The following CCDC171 variants were observed in gnomAD, a reference collection of about 807,000 sequenced individuals.
CCDC171 encodes coiled-coil domain containing 171, also known as coiled-coil domain-containing protein 171.
In CCDC171, 177 loss-of-function variants were observed where a neutral mutation model predicts 168.2. The observed-to-expected ratio is 1.05, with a 90% CI of 0.93 to 1.19. The LOEUF (loss-of-function observed/expected upper bound fraction) is 1.19. CCDC171 is among the 50% of genes most tolerant of loss of function. CCDC171 has a pLI of 0.00. For synonymous variants in CCDC171, 687 were observed against 540.8 expected (o/e 1.27, Z -3.75); for missense variants, 1,991 against 1,539.0 (o/e 1.29, Z -4.91).
intron 23 of CCDC171, 55 bp downstream of exon 23, chr9:15,849,002 A>G: frequency 1.2e-6 from 1 of 846,638 alleles, no homozygotes. Flanking sequence ...CCTAGTCATT[A>G]TTTTTATTAG....
chr9:15,705,276 C>T (rs766358424), intron 11 of CCDC171, among the ~76,000 whole-genome samples: 2 of 152,102 alleles, frequency 1.3e-5, no homozygotes, highest in African/African-American at 2.4e-5. Flanking sequence ...TAAAGCTGGA[C>T]GGAAACTACA....
At chr9:16,032,173 TG>T (rs1166096900) in intron 6 of CCDC171, among the ~76,000 whole-genome samples, 1 of 152,028 alleles carries the variant, frequency 6.6e-6, no homozygotes, top group Admixed American at 6.6e-5. Flanking sequence ...GGAAGCCAAG[TG>T]GGTAGGATGC....
chr9:15,979,973 C>A (rs559741982), intron 3 of CCDC171, among the ~76,000 whole-genome samples: 10 of 151,956 alleles, frequency 6.6e-5, no homozygotes, highest in Non-Finnish European at 1.3e-4. Context: ...GTAAAATATA[C>A]ATAACATAAA....
chr9:15,836,314 A>G (rs1174612194), intron 21 of CCDC171, among the ~76,000 whole-genome samples: 1 of 152,188 alleles, frequency 6.6e-6, no homozygotes, highest in Non-Finnish European at 1.5e-5. Flanking sequence ...TGAGGCTGAT[A>G]GAGTGTTCTT....
At chr9:15,705,090 C>T (rs1007939768) in intron 11 of CCDC171, among the ~76,000 whole-genome samples, 50 of 32,246 alleles carry the variant, frequency 1.6e-3, no homozygotes, top group Admixed American at 8.7e-3. Flanking sequence ...AGTATCCTTA[C>T]GACACACACA....
intron 4 of CCDC171, among the ~76,000 whole-genome samples, chr9:15,590,692 A>G (rs1269424884): frequency 6.6e-6 from 1 of 152,216 alleles, no homozygotes; most frequent in Non-Finnish European, 1.5e-5. Context: ...AAATATAAAA[A>G]TTTGTAATCT....
intron 25 of CCDC171, among the ~76,000 whole-genome samples, chr9:15,923,188 G>A (rs1255222257): frequency 6.6e-6 from 1 of 151,340 alleles, no homozygotes; most frequent in African/African-American, 2.4e-5. Context: ...TTTCAGAGTT[G>A]TGATATCTGC....
At chr9:15,717,533 C>T (rs2053170805) in intron 11 of CCDC171, among the ~76,000 whole-genome samples, 1 of 152,196 alleles carries the variant, frequency 6.6e-6, no homozygotes, top group Non-Finnish European at 1.5e-5. Context: ...CAGTACCCCA[C>T]CTCCAGATTC....
chr9:15,562,617 A>T (rs2039401189), intron 1 of CCDC171, among the ~76,000 whole-genome samples: 1 of 152,160 alleles, frequency 6.6e-6, no homozygotes, highest in Non-Finnish European at 1.5e-5. Context: ...ATACGAAAAC[A>T]TGATTAAGGC....
intron 9 of CCDC171, among the ~76,000 whole-genome samples, chr9:15,677,957 T>A (rs1172740020): frequency 7.9e-6 from 1 of 125,906 alleles, no homozygotes; most frequent in African/African-American, 3.0e-5. Flanking sequence ...TTACCTAGAC[T>A]GGAGTGCAGT....
At chr9:15,572,929 T>C (rs796831614) in intron 3 of CCDC171, among the ~76,000 whole-genome samples, 5 of 152,206 alleles carry the variant, frequency 3.3e-5, no homozygotes, top group African/African-American at 1.2e-4. Flanking sequence ...GAGGCCAAGG[T>C]GGGTGGATCA....
At chr9:15,827,599 AC>A (rs1277472030) in intron 21 of CCDC171, among the ~76,000 whole-genome samples, 8 of 152,152 alleles carry the variant, frequency 5.3e-5, no homozygotes, top group African/African-American at 1.7e-4. Flanking sequence ...TTTCATATAC[AC>A]CTAGGGGAAT....
rs1189452100 is a variant in CCDC171 at position 16,046,655 on chromosome 9, A to T, written n.89+3769A>T. Among the ~76,000 whole-genome samples the T allele has an allele frequency of 1.3e-5, 2 of 152,138 alleles. 1 individual carries two copies. The highest frequency in any genetic ancestry group is 4.2e-4 in the South Asian group (2 of 4,818). On this transcript the variant is annotated intron_variant and non_coding_transcript_variant, in intron 1 of 1. Coordinates refer to the CCDC171 transcript ENST00000478913. ...GGGTGGTTTCTCCCATACTGTCCTCATGGTAGTGAATAAGTCTCATGAGAT... is the reference window on the plus strand; with the variant it reads ...GGGTGGTTTCTCCCATACTGTCCTCTTGGTAGTGAATAAGTCTCATGAGAT...
At chr9:15,937,377 G>GA (rs1827231629) in intron 25 of CCDC171, among the ~76,000 whole-genome samples, 1 of 151,796 alleles carries the variant, frequency 6.6e-6, no homozygotes, top group Non-Finnish European at 1.5e-5. Context: ...TTCATAGTGA[G>GA]AAAAAAGCTT....
In CCDC171 at chr9:15,777,749, C is replaced by T; in HGVS notation, c.2821C>T (p.Gln941Ter). ...ATATGTAGAAAAAGATTCCCTGGTT[C>T]AGAGGCTGGCCCATGGACTTCATAA... ...ITYVEKDSLV[Q>*]RLAHGLHKVN... Residue 941 changes from glutamine to a stop codon, truncating the protein, a stop_gained, in exon 19 of 26, where the codon CAG becomes TAG. Transcript: ENST00000380701. LOFTEE classifies it high-confidence loss of function. The T allele has an allele frequency of 3.7e-6, 6 of 1,614,018 alleles. No homozygotes were observed. Among genetic ancestry groups the T allele is most frequent in the Non-Finnish European group, 5.1e-6 (6 of 1,180,008 alleles).
At chr9:15,699,043 G>T (rs552357163) in intron 11 of CCDC171, among the ~76,000 whole-genome samples, 12 of 152,062 alleles carry the variant, frequency 7.9e-5, no homozygotes, top group Non-Finnish European at 1.8e-4. Context: ...TGGTTACTTG[G>T]TCTCACTGAC....
At chr9:15,989,594 T>C (rs1832117968) in intron 3 of CCDC171, among the ~76,000 whole-genome samples, 1 of 152,076 alleles carries the variant, frequency 6.6e-6, no homozygotes, top group South Asian at 2.1e-4. Context: ...TTTGACGAGT[T>C]GAGAGAAGAA....
intron 10 of CCDC171, among the ~76,000 whole-genome samples, chr9:15,694,326 C>T (rs2051048642): frequency 1.3e-5 from 2 of 152,094 alleles, no homozygotes; most frequent in South Asian, 4.1e-4. Flanking sequence ...TATATTCAGC[C>T]ACCTCCCATA....
Position 15,777,492 on chromosome 9 carries a change from A to G in CCDC171, c.2672-108A>G, listed in dbSNP as rs967262487. The stretch of plus-strand genomic sequence containing the variant: ...CTTTTTGAATGAATTACTACAGGTG[A>G]ATGGGAATTATATAATTAAAAAATA... On this transcript the variant is annotated intron_variant, in intron 18 of 25. Coordinates refer to ENST00000380701, the MANE Select transcript of CCDC171 (RefSeq NM_173550.4). The G allele has an allele frequency of 3.8e-5, 24 of 625,108 alleles. 1 individual carries two copies. In the South Asian group the frequency reaches 4.0e-4, roughly 10 times the overall value. The allele number at this position is 625,108 out of a possible 1,614,324, so 38.7% of individuals were successfully genotyped here. A position where few individuals can be genotyped will look rare whatever the true frequency, so the allele number is the denominator to read the frequency against.
Sources: allele counts gnomAD v4.1 joint callset (sites outside exome capture counted in the v4.1 genomes callset), GRCh38; gene constraint gnomAD v4.1.1; transcripts MANE v1.5; gene names NCBI Gene and HGNC (gene_info 2026-07-23, HGNC 2026-07-21).